TENM4: variants seen among roughly 807,000 people sequenced by gnomAD.
The protein encoded by TENM4 is teneurin transmembrane protein 4.
Under a neutral mutation model 243.3 loss-of-function variants are expected in TENM4, and 82 were observed. That is an observed-to-expected ratio of 0.34 (90% CI 0.28 to 0.40). The LOEUF is 0.40. Ranked by LOEUF, TENM4 falls within the 10% of genes least tolerant of loss-of-function variation. The pLI, the probability that TENM4 is intolerant of heterozygous loss-of-function variation, is 1.00. For synonymous variants in TENM4, 1,412 were observed against 1,456.3 expected (o/e 0.97, Z 0.69); for missense variants, 3,138 against 3,673.3 (o/e 0.85, Z 3.77).
intron 6 of TENM4, among the ~76,000 whole-genome samples, chr11:78,973,190 T>C (rs2136585617): frequency 6.6e-6 from 1 of 152,402 alleles, no homozygotes; most frequent in East Asian, 1.9e-4. Context: ...TTACCTCTTT[T>C]GGGTATACAC....
In TENM4 at chr11:78,891,053, T is replaced by A. The variant is rs576558857; in HGVS notation, c.848+185A>T. Among the ~76,000 whole-genome samples the A allele has an allele frequency of 3.9e-5, 6 of 152,318 alleles. No homozygotes were observed. In the South Asian group the frequency reaches 1.2e-3, roughly 32 times the overall value. On this transcript the variant is annotated intron_variant, in intron 8 of 33. Transcript: ENST00000278550. ...AGCTGCATATTAACAAGACTGCTGT[T>A]AATATGCTGGGGGATAGGGTATTTA...
chr11:79,208,127 G>T (rs1286018728), intron 3 of TENM4, among the ~76,000 whole-genome samples: 1 of 152,114 alleles, frequency 6.6e-6, no homozygotes, highest in Non-Finnish European at 1.5e-5. Flanking sequence ...TCTATCAGGA[G>T]TCTCTCAGAG....
intron 3 of TENM4, among the ~76,000 whole-genome samples, chr11:79,150,862 C>T (rs1019049318): frequency 6.6e-6 from 1 of 152,088 alleles, no homozygotes; most frequent in Non-Finnish European, 1.5e-5. Flanking sequence ...AAGGGCATAC[C>T]AATCACTGTG....
At chr11:78,882,278 C>G (rs1855449325) in intron 9 of TENM4, among the ~76,000 whole-genome samples, 1 of 152,198 alleles carries the variant, frequency 6.6e-6, no homozygotes, top group African/African-American at 2.4e-5. Context: ...ACCCTGGCCT[C>G]TATCTGTAAT....
At chr11:79,157,554 C>T (rs1230382231) in intron 3 of TENM4, among the ~76,000 whole-genome samples, 1 of 152,170 alleles carries the variant, frequency 6.6e-6, no homozygotes, top group Non-Finnish European at 1.5e-5. Context: ...CAGTACTCTC[C>T]TAGTACTCAC....
At chr11:78,809,458 A>G (rs1857451993) in intron 14 of TENM4, among the ~76,000 whole-genome samples, 1 of 152,192 alleles carries the variant, frequency 6.6e-6, no homozygotes, top group South Asian at 2.1e-4. Context: ...TAGGGCCAGT[A>G]TCTATGCCAC....
intron 6 of TENM4, among the ~76,000 whole-genome samples, chr11:79,010,351 G>GT (rs1382809284): frequency 6.6e-6 from 1 of 152,166 alleles, no homozygotes; most frequent in African/African-American, 2.4e-5. Flanking sequence ...GGAATACAGA[G>GT]TAAGTACTTT....
rs76397894 is a variant in TENM4, at chr11:78,833,403, T to C, written c.1682-19008A>G. ...ACCAGTAGAATCTAATGGAAAGGCG[T>C]CATTTTTTGCTTACTTAATTTCCTA... On this transcript the variant is annotated intron_variant, in intron 12 of 33. Transcript: ENST00000278550. Among the ~76,000 whole-genome samples, 1,515 of 152,326 alleles carry C rather than the reference T, an allele frequency of 9.9e-3. 18 individuals are homozygous for C. Among genetic ancestry groups the C allele is most frequent in the African/African-American group, 0.034 (1,414 of 41,568 alleles).
At chr11:78,704,157 G>GCC (rs1555067640) in intron 27 of TENM4, among the ~76,000 whole-genome samples, 314 of 70,496 alleles carry the variant, frequency 4.5e-3, no homozygotes, top group African/African-American at 0.018. Context: ...ATGTATGTGT[G>GCC]TCTATATATA....
chr11:78,664,711 T>C (rs1858109405), intron 32 of TENM4, among the ~76,000 whole-genome samples: 1 of 152,180 alleles, frequency 6.6e-6, no homozygotes, highest in South Asian at 2.1e-4. Flanking sequence ...ATTCTATAAA[T>C]CATGGCAGAT....
In TENM4 at chr11:79,111,616, C is replaced by T. The variant is rs540419638; in HGVS notation, c.-66+37094G>A. 3.9e-5 allele frequency among the ~76,000 whole-genome samples: 6 copies of T among 152,304 alleles called. No individual in the cohort carries two copies. In the East Asian group the frequency reaches 1.2e-3, roughly 29 times the overall value. ...TCTTTTTCTTTATAAATTACCCAGT[C>T]TCGGGTATGTCTTTGTCAGAAGTGT... On this transcript the variant is annotated intron_variant, in intron 4 of 33. Coordinates refer to ENST00000278550, the MANE Select transcript of TENM4 (RefSeq NM_001098816.3).
chr11:78,672,874 A>T (rs922635126), intron 30 of TENM4, among the ~76,000 whole-genome samples: 2 of 151,998 alleles, frequency 1.3e-5, no homozygotes, highest in Non-Finnish European at 2.9e-5. Context: ...CCTCTGAGCA[A>T]TTCGTGGCCT....
At chr11:79,220,717 A>G (rs1018564711) in intron 2 of TENM4, among the ~76,000 whole-genome samples, 4 of 152,194 alleles carry the variant, frequency 2.6e-5, no homozygotes, top group Non-Finnish European at 4.4e-5. Flanking sequence ...ATAATTATTC[A>G]TCTTTACAAC....
chr11:79,027,077 G>A (rs564237932), intron 6 of TENM4, among the ~76,000 whole-genome samples: 1 of 152,314 alleles, frequency 6.6e-6, no homozygotes, highest in South Asian at 2.1e-4. Flanking sequence ...GAGCGTGGAG[G>A]CAGAGAAGAA....
chr11:78,753,374 G>T (rs888898769), intron 19 of TENM4, among the ~76,000 whole-genome samples: 5 of 152,212 alleles, frequency 3.3e-5, no homozygotes, highest in Admixed American at 1.3e-4. Flanking sequence ...GTAAAGCCAG[G>T]ATTGTAACTC....
intron 4 of TENM4, among the ~76,000 whole-genome samples, chr11:79,117,915 G>A (rs560467047): frequency 3.3e-5 from 5 of 152,100 alleles, no homozygotes; most frequent in East Asian, 1.9e-4. Context: ...ACATACCTGC[G>A]CAGGGAACAC....
chr11:78,966,742 T>A (rs1857445475), intron 6 of TENM4, among the ~76,000 whole-genome samples: 1 of 152,120 alleles, frequency 6.6e-6, no homozygotes, highest in Non-Finnish European at 1.5e-5. Flanking sequence ...CCTTCATCCT[T>A]CACCTGGTCT....
intron 4 of TENM4, among the ~76,000 whole-genome samples, chr11:79,139,751 T>TATATATATTATATTTATATAAATATATA (rs1565220794): frequency 3.7e-5 from 1 of 27,364 alleles, no homozygotes; most frequent in African/African-American, 1.2e-4. Flanking sequence ...AAATATATAA[T>TATATATATTATATTTATATAAATATATA]ATATATTATA....
chr11:78,780,342 G>C (rs1856816501), intron 16 of TENM4, among the ~76,000 whole-genome samples: 1 of 152,300 alleles, frequency 6.6e-6, no homozygotes, highest in African/African-American at 2.4e-5. Context: ...CATCTCCCAG[G>C]ATATGCTATC....
Sources: allele counts gnomAD v4.1 joint callset (sites outside exome capture counted in the v4.1 genomes callset), GRCh38; gene constraint gnomAD v4.1.1; transcripts MANE v1.5; gene names NCBI Gene and HGNC (gene_info 2026-07-23, HGNC 2026-07-21).